NRXN3: variants seen among roughly 807,000 people sequenced by gnomAD.
NRXN3 encodes the protein neurexin 3.
NRXN3 carries 32 observed loss-of-function variants against 137.6 expected under a neutral mutation model. That is an observed-to-expected ratio of 0.23 (90% CI 0.18 to 0.31). The LOEUF is 0.31. NRXN3 is among the 10% of genes least tolerant of loss of function. NRXN3 has a pLI of 1.00. For synonymous variants in NRXN3, 798 were observed against 784.5 expected (o/e 1.02, Z -0.29); for missense variants, 1,574 against 2,062.5 (o/e 0.76, Z 4.59).
intron 15 of NRXN3, among the ~76,000 whole-genome samples, chr14:79,421,857 T>A (rs2095580564): frequency 6.6e-6 from 1 of 152,198 alleles, no homozygotes; most frequent in Admixed American, 6.5e-5. Flanking sequence ...ATTTATTCTC[T>A]GTGCTTAGGT....
At chr14:79,427,170 G>A (rs2095666689) in intron 15 of NRXN3, among the ~76,000 whole-genome samples, 1 of 152,110 alleles carries the variant, frequency 6.6e-6, no homozygotes. Context: ...GAGGAGAGAT[G>A]CAAAGAGCTT....
chr14:78,527,426 G>A (rs1473861333), intron 4 of NRXN3, among the ~76,000 whole-genome samples: 1 of 152,146 alleles, frequency 6.6e-6, no homozygotes, highest in African/African-American at 2.4e-5. Context: ...TTGCTACACA[G>A]TACCAAGGAG....
At chr14:78,467,997 C>T (rs2153725527) in intron 4 of NRXN3, among the ~76,000 whole-genome samples, 1 of 152,194 alleles carries the variant, frequency 6.6e-6, no homozygotes, top group East Asian at 1.9e-4. Flanking sequence ...GATCTTGGCT[C>T]ACTGCAACCT....
intron 16 of NRXN3, among the ~76,000 whole-genome samples, chr14:79,613,119 G>A (rs549885419): frequency 6.6e-6 from 1 of 152,240 alleles, no homozygotes; most frequent in South Asian, 2.1e-4. Context: ...TGAATGTAGT[G>A]GTTGGATCTT....
intron 15 of NRXN3, among the ~76,000 whole-genome samples, chr14:79,301,733 G>A (rs1030821734): frequency 2.0e-5 from 3 of 147,082 alleles, no homozygotes; most frequent in Non-Finnish European, 4.4e-5. Flanking sequence ...TTTGTGGGGT[G>A]TGTGTGTGTG....
intron 15 of NRXN3, among the ~76,000 whole-genome samples, chr14:79,149,163 G>C (rs1305418458): frequency 6.6e-6 from 1 of 152,044 alleles, no homozygotes; most frequent in Non-Finnish European, 1.5e-5. Context: ...CACAAGAACT[G>C]GTAGGAAACT....
At chr14:78,257,400 T>C (rs2069828121) in intron 2 of NRXN3, among the ~76,000 whole-genome samples, 1 of 152,244 alleles carries the variant, frequency 6.6e-6, no homozygotes, top group South Asian at 2.1e-4. Context: ...CAAAGAAGTA[T>C]ATAGCACATA....
intron 6 of NRXN3, among the ~76,000 whole-genome samples, chr14:78,656,159 A>G (rs1207677896): frequency 6.6e-6 from 1 of 152,206 alleles, no homozygotes; most frequent in African/African-American, 2.4e-5. Flanking sequence ...GTGCTAAAAT[A>G]CAAATATGAG....
At chr14:79,007,968 G>A (rs901628296) in intron 15 of NRXN3, among the ~76,000 whole-genome samples, 3 of 152,004 alleles carry the variant, frequency 2.0e-5, no homozygotes, top group African/African-American at 4.8e-5. Context: ...TGGCTTAGAA[G>A]GTTTAAGCTC....
intron 15 of NRXN3, among the ~76,000 whole-genome samples, chr14:79,373,843 G>C (rs1246984321): frequency 6.6e-6 from 1 of 152,088 alleles, no homozygotes; most frequent in Non-Finnish European, 1.5e-5. Flanking sequence ...GGTCCCACGA[G>C]CTTACTATCT....
chr14:78,523,841 A>AAAAAAAAAAAAAAAAAAAAT, intron 4 of NRXN3, among the ~76,000 whole-genome samples: 1 of 145,846 alleles, frequency 6.9e-6, no homozygotes, highest in Non-Finnish European at 1.5e-5. Flanking sequence ...AAAAAAAAAA[A>AAAAAAAAAAAAAAAAAAAAT]AAAAGAATAC....
chr14:79,374,171 T>C (rs1019141174), intron 15 of NRXN3, among the ~76,000 whole-genome samples: 2 of 152,178 alleles, frequency 1.3e-5, no homozygotes, highest in African/African-American at 4.8e-5. Context: ...CATTGTACTA[T>C]ATGGCACTCA....
chr14:78,561,847 A>G (rs982500528), intron 4 of NRXN3, among the ~76,000 whole-genome samples: 2 of 152,192 alleles, frequency 1.3e-5, no homozygotes, highest in Non-Finnish European at 1.5e-5. Flanking sequence ...CAATCATACT[A>G]TACCTTTGAC....
chr14:78,717,980 A>G (rs2098441835), intron 8 of NRXN3, among the ~76,000 whole-genome samples: 3 of 152,122 alleles, frequency 2.0e-5, no homozygotes, highest in Admixed American at 2.0e-4. Flanking sequence ...TAGATTTCCT[A>G]TTTCTAACTT....
At chr14:78,611,901 T>C (rs956135967) in intron 4 of NRXN3, among the ~76,000 whole-genome samples, 2 of 152,236 alleles carry the variant, frequency 1.3e-5, no homozygotes, top group Admixed American at 1.3e-4. Context: ...TTTGAATTGT[T>C]GATAAGATTG....
chr14:78,967,941 G>T (rs79415212), intron 13 of NRXN3, among the ~76,000 whole-genome samples: 5,433 of 149,648 alleles, frequency 0.036, 321 homozygotes, highest in African/African-American at 0.13. Context: ...CTCCATCTAT[G>T]ATGAATAAAT....
In NRXN3 at chr14:78,568,546, G is replaced by C. The variant is rs550081589; in HGVS notation, c.758-76574G>C. 2.6e-5 allele frequency among the ~76,000 whole-genome samples: 4 copies of C among 152,200 alleles called. No homozygotes were observed. In the South Asian group the frequency reaches 8.3e-4, roughly 32 times the overall value. On this transcript the variant is annotated intron_variant, in intron 4 of 20. Transcript: ENST00000335750. ...AGGTATACCAGGTATCCCAGACTTT[G>C]GTAATTTATGTATCAGGTTCACTAT...
intron 15 of NRXN3, among the ~76,000 whole-genome samples, chr14:79,127,510 G>A (rs61992509): frequency 0.02 from 3,109 of 152,184 alleles, 53 homozygotes; most frequent in Middle Eastern, 0.051. Context: ...ATTTCTGAGG[G>A]CTCTGTTCTG....
At chr14:79,162,042 T>G (rs143340564) in intron 15 of NRXN3, among the ~76,000 whole-genome samples, 1 of 151,224 alleles carries the variant, frequency 6.6e-6, no homozygotes, top group Admixed American at 6.6e-5. Context: ...CAAAGGGGGG[T>G]TTGAATAGTC....
Sources: allele counts gnomAD v4.1 joint callset (sites outside exome capture counted in the v4.1 genomes callset), GRCh38; gene constraint gnomAD v4.1.1; transcripts MANE v1.5; gene names NCBI Gene and HGNC (gene_info 2026-07-23, HGNC 2026-07-21).